Variants in GRID2 observed in about 807,000 individuals in gnomAD.
GRID2 encodes the protein glutamate receptor ionotropic, delta-2.
Under a neutral mutation model 114.8 loss-of-function variants are expected in GRID2, and 33 were observed. The ratio of observed to expected loss-of-function variants is 0.29; its 90% CI spans 0.22 to 0.38. The LOEUF is 0.38. Among genes scored for constraint, GRID2 ranks in the 10% least tolerant of loss-of-function variants. The pLI, the probability that GRID2 is intolerant of heterozygous loss-of-function variation, is 1.00. For synonymous variants in GRID2, 505 were observed against 449.9 expected (o/e 1.12, Z -1.55); for missense variants, 1,184 against 1,257.7 (o/e 0.94, Z 0.89).
At chr4:92,967,118 G>T (rs548874138) in intron 2 of GRID2, among the ~76,000 whole-genome samples, 1 of 151,968 alleles carries the variant, frequency 6.6e-6, no homozygotes, top group South Asian at 2.1e-4. Context: ...GATAAGGGAG[G>T]TCAGTATGTT....
In GRID2 at chr4:92,942,423, C is replaced by T. The variant is rs531038712; in HGVS notation, c.245-142572C>T. On this transcript the variant is annotated intron_variant, in intron 2 of 15. Transcript: ENST00000282020. ...CTTTTTTTGTTTTCCATTTGCTTGG[C>T]AGATCTTCCTCCATCCCTTTATTTT... Among the ~76,000 whole-genome samples the T allele has an allele frequency of 7.8e-3, 1,190 of 152,116 alleles. 17 individuals are homozygous for T. Among genetic ancestry groups the T allele is most frequent in the African/African-American group, 0.027 (1,127 of 41,486 alleles).
rs1312286311 is a variant in GRID2 at position 93,276,437 on chromosome 4, C to T, written c.1245+37947C>T. 3.3e-5 allele frequency among the ~76,000 whole-genome samples: 5 copies of T among 151,902 alleles called. No individual in the cohort carries two copies. In the East Asian group the frequency reaches 9.7e-4, roughly 29 times the overall value. ...CATGTTGACTCTTCTGAGTCTCTTG[C>T]ATTTCCATGTGAACTTTATGATCGT... is the stretch of plus-strand genomic sequence containing the variant. On this transcript the variant is annotated intron_variant, in intron 8 of 15. Coordinates refer to ENST00000282020, the MANE Select transcript of GRID2 (RefSeq NM_001510.4).
chr4:93,525,635 T>TC (rs1454674703), intron 13 of GRID2, among the ~76,000 whole-genome samples: 1 of 152,218 alleles, frequency 6.6e-6, no homozygotes, highest in Non-Finnish European at 1.5e-5. Context: ...TAAGATTTTT[T>TC]CTGGAATGAA....
At chr4:92,571,881 G>T (rs1727641516) in intron 1 of GRID2, among the ~76,000 whole-genome samples, 1 of 152,158 alleles carries the variant, frequency 6.6e-6, no homozygotes, top group Admixed American at 6.5e-5. Context: ...CACATTCAAG[G>T]CAGTGTGTGG....
At chr4:93,410,689 T>G (rs1294002036) in intron 9 of GRID2, among the ~76,000 whole-genome samples, 1 of 152,242 alleles carries the variant, frequency 6.6e-6, no homozygotes, top group African/African-American at 2.4e-5. Flanking sequence ...GTTCAAGTGA[T>G]TCTCCTGCCT....
At chr4:93,701,836 A>G (rs912623686) in intron 14 of GRID2, among the ~76,000 whole-genome samples, 26 of 152,138 alleles carry the variant, frequency 1.7e-4, no homozygotes, top group South Asian at 1.5e-3. Context: ...AAATACATAT[A>G]TATTTTTTAA....
chr4:93,046,910 T>G (rs1031254569), intron 2 of GRID2, among the ~76,000 whole-genome samples: 3 of 151,768 alleles, frequency 2.0e-5, no homozygotes, highest in Admixed American at 1.3e-4. Context: ...CCAAATAATT[T>G]ATGTGGCTAC....
intron 14 of GRID2, among the ~76,000 whole-genome samples, chr4:93,636,043 A>T (rs10516929): frequency 0.037 from 5,632 of 152,254 alleles, 353 homozygotes; most frequent in African/African-American, 0.13. Flanking sequence ...CTTGCACTAC[A>T]TCATACAGCA....
chr4:92,554,571 C>T (rs1726760163), intron 1 of GRID2, among the ~76,000 whole-genome samples: 1 of 152,042 alleles, frequency 6.6e-6, no homozygotes, highest in Admixed American at 6.6e-5. Context: ...GTCATCATGA[C>T]TCCTGGGTAA....
chr4:92,568,787 T>A (rs979259138), intron 1 of GRID2, among the ~76,000 whole-genome samples: 3 of 151,948 alleles, frequency 2.0e-5, no homozygotes, highest in African/African-American at 7.2e-5. Flanking sequence ...TGTGTTCTCA[T>A]CATTTAGCTC....
intron 2 of GRID2, among the ~76,000 whole-genome samples, chr4:92,593,325 T>G (rs1728796307): frequency 1.3e-5 from 2 of 152,036 alleles, no homozygotes; most frequent in African/African-American, 2.4e-5. Context: ...TTTCCTCTAA[T>G]CAGCCACATT....
intron 9 of GRID2, among the ~76,000 whole-genome samples, chr4:93,413,365 T>C (rs188916998): frequency 2.0e-5 from 3 of 152,336 alleles, no homozygotes; most frequent in East Asian, 3.9e-4. Flanking sequence ...TGAGCTTCTT[T>C]TCATATGTTT....
At chr4:92,774,179 A>G (rs1738675883) in intron 2 of GRID2, among the ~76,000 whole-genome samples, 1 of 152,176 alleles carries the variant, frequency 6.6e-6, no homozygotes, top group South Asian at 2.1e-4. Context: ...CTTTAAGCTC[A>G]GAGTGAAGGA....
intron 1 of GRID2, among the ~76,000 whole-genome samples, chr4:92,511,730 A>G (rs1724261220): frequency 6.6e-6 from 1 of 151,902 alleles, no homozygotes; most frequent in Non-Finnish European, 1.5e-5. Context: ...GAACAAGCAA[A>G]TCAATGAAAG....
At chr4:93,024,734 G>A (rs754586320) in intron 2 of GRID2, among the ~76,000 whole-genome samples, 4 of 151,706 alleles carry the variant, frequency 2.6e-5, no homozygotes, top group Non-Finnish European at 5.9e-5. Flanking sequence ...ATTTTAAAAA[G>A]TACTTAGGTA....
chr4:92,676,125 G>A (rs1033787717), intron 2 of GRID2, among the ~76,000 whole-genome samples: 1 of 130,404 alleles, frequency 7.7e-6, no homozygotes, highest in African/African-American at 2.8e-5. Context: ...ATTTAAATCA[G>A]TTCATATGTT....
chr4:93,578,587 A>ATTTTTT (rs59397408), intron 13 of GRID2, among the ~76,000 whole-genome samples: 179 of 83,814 alleles, frequency 2.1e-3, no homozygotes, highest in Non-Finnish European at 2.4e-3. Context: ...TGTTTTTTGT[A>ATTTTTT]TTTTTTTTTT....
chr4:93,669,150 A>G (rs1413945666), intron 14 of GRID2, among the ~76,000 whole-genome samples: 1 of 152,102 alleles, frequency 6.6e-6, no homozygotes, highest in Non-Finnish European at 1.5e-5. Flanking sequence ...TTTTCTAATG[A>G]GAAAATAATT....
chr4:93,460,698 C>T (rs1723655268), intron 11 of GRID2, among the ~76,000 whole-genome samples: 1 of 152,058 alleles, frequency 6.6e-6, no homozygotes, highest in African/African-American at 2.4e-5. Context: ...TTAATAAATT[C>T]ATATTGATAA....
Sources: gnomAD v4.1 joint callset for allele counts (sites outside exome capture counted in the v4.1 genomes callset) on GRCh38, gnomAD v4.1.1 for gene constraint, MANE v1.5 for transcripts, NCBI Gene and HGNC (gene_info 2026-07-23, HGNC 2026-07-21) for gene names.